The following GRAP2 variants were observed in gnomAD, a reference collection of about 807,000 sequenced individuals.
The protein encoded by GRAP2 is GRB2 related adaptor protein 2.
In GRAP2, 31 loss-of-function variants were observed where a neutral mutation model predicts 43.5. The ratio of observed to expected loss-of-function variants is 0.71; its 90% CI spans 0.54 to 0.96. The LOEUF (loss-of-function observed/expected upper bound fraction) is 0.96. Among genes scored for constraint, GRAP2 ranks in the 40% least tolerant of loss-of-function variants. GRAP2 has a pLI of 0.00. For synonymous variants in GRAP2, 156 were observed against 164.8 expected, an observed-to-expected ratio of 0.95 and a Z score of 0.41; for missense variants, 371 against 424.4, an observed-to-expected ratio of 0.87 and a Z score of 1.11.
chr22:39,964,285 C>A, intron 4 of GRAP2: 3 of 649,428 alleles, frequency 4.6e-6, no homozygotes, highest in South Asian at 3.5e-5. Context: ...TGTGTCCCAT[C>A]ACTTGTGAGT....
At chr22:39,954,634 A>T (rs1230358832) in intron 2 of GRAP2, among the ~76,000 whole-genome samples, 1 of 152,014 alleles carries the variant, frequency 6.6e-6, no homozygotes, top group African/African-American at 2.4e-5. Context: ...GCCTCAAGTG[A>T]TCTATGTGCC....
At chr22:39,937,269 G>T (rs1250794401) in intron 1 of GRAP2, among the ~76,000 whole-genome samples, 1 of 152,150 alleles carries the variant, frequency 6.6e-6, no homozygotes, top group Non-Finnish European at 1.5e-5. Flanking sequence ...CCCCTCAAAG[G>T]TAGCATCACA....
At chr22:39,932,404 A>T (rs2066764487) in intron 1 of GRAP2, among the ~76,000 whole-genome samples, 1 of 152,080 alleles carries the variant, frequency 6.6e-6, no homozygotes, top group Admixed American at 6.6e-5. Flanking sequence ...GCTATTAAGG[A>T]CTATGCATAA....
chr22:39,902,743 C>A (rs2066500692), intron 1 of GRAP2, among the ~76,000 whole-genome samples: 1 of 152,204 alleles, frequency 6.6e-6, no homozygotes, highest in African/African-American at 2.4e-5. Context: ...TTTTGAATAT[C>A]TCCCACATCT....
intron 1 of GRAP2, among the ~76,000 whole-genome samples, chr22:39,921,870 A>G (rs769670044): frequency 1.3e-5 from 2 of 152,162 alleles, no homozygotes; most frequent in African/African-American, 2.4e-5. Context: ...CAGTGGCACA[A>G]TTATAGTTCA....
chr22:39,964,835 G>T (rs1320806704), intron 4 of GRAP2: 2 of 325,218 alleles, frequency 6.1e-6, no homozygotes, highest in African/African-American at 4.3e-5. Context: ...GCCAGAATCT[G>T]CTCTTTGGTC....
At chr22:39,956,884 G>A (rs1003029004) in intron 3 of GRAP2, among the ~76,000 whole-genome samples, 3 of 152,152 alleles carry the variant, frequency 2.0e-5, no homozygotes, top group South Asian at 2.1e-4. Flanking sequence ...TTCGGGAGCT[G>A]CTCTCCTAAG....
At chr22:39,899,894 G>C (rs1165931407), upstream of GRAP2, among the ~76,000 whole-genome samples, 1 of 152,088 alleles carries the variant, frequency 6.6e-6, no homozygotes, top group Non-Finnish European at 1.5e-5. Flanking sequence ...GCTGAAGCAA[G>C]AGAATCACTT....
chr22:39,956,011 A>G (rs2067046072), intron 3 of GRAP2, 101 bp downstream of exon 3: 1 of 703,728 alleles, frequency 1.4e-6, no homozygotes. Context: ...GACATTGTCA[A>G]AAATGGCTGC....
At chr22:39,917,420 T>C (rs1290719244) in intron 1 of GRAP2, among the ~76,000 whole-genome samples, 3 of 152,190 alleles carry the variant, frequency 2.0e-5, no homozygotes, top group African/African-American at 7.2e-5. Flanking sequence ...TCTCAGACAC[T>C]GCACCCTGAA....
intron 1 of GRAP2, among the ~76,000 whole-genome samples, chr22:39,930,386 C>T (rs2066744943): frequency 6.6e-6 from 1 of 152,198 alleles, no homozygotes; most frequent in Admixed American, 6.5e-5. Context: ...GATTATTTAA[C>T]CCCTTTGAGC....
chr22:39,928,662 AG>A (rs1313181408), intron 1 of GRAP2, among the ~76,000 whole-genome samples: 2 of 152,170 alleles, frequency 1.3e-5, no homozygotes, highest in Non-Finnish European at 2.9e-5. Flanking sequence ...CTGTGTAGAC[AG>A]GGGTATGAAG....
At position 39,907,902 on chromosome 22, in the gene GRAP2, C is replaced by G. The variant is rs552995786; in HGVS notation, c.-15+6572C>G. 9.2e-5 allele frequency among the ~76,000 whole-genome samples: 14 copies of G among 152,320 alleles called. No individual in the cohort carries two copies. The South Asian group carries it at 2.9e-3, about 32-fold the overall frequency. ...CTTGCTCAAGGTAATTTGCTAATGT[C>G]TGCCGGGACGTAGCACCAAGCCTGT... On this transcript the variant is annotated intron_variant, in intron 1 of 7. Transcript: ENST00000344138.
At chr22:39,964,659 A>G (rs1171309850) in intron 4 of GRAP2, 3 of 561,590 alleles carry the variant, frequency 5.3e-6, no homozygotes, top group African/African-American at 3.9e-5. Flanking sequence ...TTTGCCACCT[A>G]TAGTTGGAAT....
chr22:39,898,082 GT>G (rs2066472878), upstream of GRAP2, among the ~76,000 whole-genome samples: 1 of 152,120 alleles, frequency 6.6e-6, no homozygotes, highest in Admixed American at 6.5e-5. Flanking sequence ...TGTTAAACAT[GT>G]CTCCACCTGA....
the GRAP2 span, among the ~76,000 whole-genome samples, chr22:39,895,627 G>T: frequency 6.6e-6 from 1 of 152,150 alleles, no homozygotes; most frequent in Admixed American, 6.5e-5. Flanking sequence ...AGAAGTAGGC[G>T]TTATTATCCC....
At chr22:39,927,810 G>T (rs531765156) in intron 1 of GRAP2, among the ~76,000 whole-genome samples, 1 of 152,216 alleles carries the variant, frequency 6.6e-6, no homozygotes, top group Non-Finnish European at 1.5e-5. Flanking sequence ...CTACAACAGG[G>T]TAAGGGGACC....
chr22:39,947,052 C>G (rs569467498), intron 1 of GRAP2, 41 bp from the exon 2 acceptor site: 14 of 1,144,358 alleles, frequency 1.2e-5, no homozygotes, highest in Non-Finnish European at 1.7e-5. Context: ...CTGCCCTCCC[C>G]CTGGCAGAGA....
intron 3 of GRAP2, 50 bp from the exon 4 acceptor site, chr22:39,960,005 G>C: frequency 6.2e-7 from 1 of 1,600,262 alleles, no homozygotes. Flanking sequence ...TCTCCCTCTT[G>C]TCACTCCTGT....
Sources: allele counts gnomAD v4.1 joint callset (sites outside exome capture counted in the v4.1 genomes callset), GRCh38; gene constraint gnomAD v4.1.1; transcripts MANE v1.5; gene names NCBI Gene and HGNC (gene_info 2026-07-23, HGNC 2026-07-21).